The following MAP3K8 variants were observed in gnomAD, a reference collection of about 807,000 sequenced individuals.
MAP3K8 encodes Ewing sarcoma transformant.
Under a neutral mutation model 45.8 loss-of-function variants are expected in MAP3K8, and 22 were observed. The observed-to-expected ratio is 0.48, with a 90% CI of 0.34 to 0.69. The LOEUF (loss-of-function observed/expected upper bound fraction) is 0.69. Among genes scored for constraint, MAP3K8 ranks in the 30% least tolerant of loss-of-function variants. The probability of loss-of-function intolerance (pLI) is 0.01; values close to 1 mark genes in which losing one functional copy is unlikely to be tolerated. For missense variants in MAP3K8, 419 were observed against 585.0 expected (o/e 0.72, Z 2.93); for synonymous variants, 223 against 214.3 (o/e 1.04, Z -0.36).
intron 2 of MAP3K8, 32 bp from the exon 3 acceptor site, chr10:30,438,884 C>A: frequency 8.3e-7 from 1 of 1,204,234 alleles, no homozygotes; most frequent in South Asian, 1.5e-5. Context: ...ATACAAATAT[C>A]GTAAACTAAA....
intron 3 of MAP3K8, among the ~76,000 whole-genome samples, chr10:30,440,949 G>A (rs1420720372): frequency 6.6e-6 from 1 of 152,108 alleles, no homozygotes; most frequent in Non-Finnish European, 1.5e-5. Context: ...TGTACAGAAA[G>A]AAATTCAGGA....
At chr10:30,457,993 C>A in intron 6 of MAP3K8, 91 bp from the exon 7 acceptor site, 2 of 1,149,792 alleles carry the variant, frequency 1.7e-6, no homozygotes, top group Non-Finnish European at 2.4e-6. Context: ...TAGTTTAAGG[C>A]AAATGAGCCA....
In MAP3K8 at chr10:30,448,414, T is replaced by TTTATTATTATTA. The variant is rs1554773753; in HGVS notation, c.504+489_504+500dup. On this transcript the variant is annotated intron_variant, in intron 4 of 8. Transcript: ENST00000263056. ...ATGATTGAAAAGACCCTATCCCAAA[T>TTTATTATTATTA]TTATTATTATTATTATTATTATTAT... Among the ~76,000 whole-genome samples, 862 of 136,416 alleles carry TTTATTATTATTA rather than the reference T, an allele frequency of 6.3e-3. 3 individuals carry two copies. Among genetic ancestry groups the TTTATTATTATTA allele is most frequent in the African/African-American group, 0.023 (804 of 35,372 alleles). The allele number at this position is 136,416 out of a possible 152,430, so 89.5% of individuals were successfully genotyped here.
intron 1 of MAP3K8, among the ~76,000 whole-genome samples, chr10:30,436,660 T>G (rs1431044964): frequency 7.0e-6 from 1 of 143,706 alleles, no homozygotes; most frequent in Non-Finnish European, 1.5e-5. Flanking sequence ...ATTAAAAAAA[T>G]AAAAGAATAA....
At chr10:30,449,512 G>A (rs1836463117) in intron 4 of MAP3K8, among the ~76,000 whole-genome samples, 1 of 151,960 alleles carries the variant, frequency 6.6e-6, no homozygotes, top group African/African-American at 2.4e-5. Context: ...TTGTATGTCT[G>A]TTTTACTTTA....
intron 3 of MAP3K8, 101 bp from the exon 4 acceptor site, chr10:30,447,681 A>C (rs1252327220): frequency 1.2e-6 from 1 of 846,438 alleles, no homozygotes; most frequent in Non-Finnish European, 2.0e-6. Context: ...ATAACTGTGT[A>C]TCAGAATGCT....
chr10:30,458,303 T>G, intron 7 of MAP3K8, 67 bp downstream of exon 7: 1 of 1,145,150 alleles, frequency 8.7e-7, no homozygotes, highest in Non-Finnish European at 1.2e-6. Flanking sequence ...CCCGCAGGCT[T>G]GGGAGGGACT....
chr10:30,446,915 T>G (rs1836360449), intron 3 of MAP3K8, among the ~76,000 whole-genome samples: 1 of 152,172 alleles, frequency 6.6e-6, no homozygotes, highest in Non-Finnish European at 1.5e-5. Context: ...ATTTATATTG[T>G]GTTTTTATTT....
At chr10:30,436,367 G>A (rs1053691747) in intron 1 of MAP3K8, among the ~76,000 whole-genome samples, 13 of 152,152 alleles carry the variant, frequency 8.5e-5, no homozygotes, top group African/African-American at 2.4e-4. Flanking sequence ...TCTGGGGAAC[G>A]TAGATTTGCG....
chr10:30,459,628 T>G, intron 8 of MAP3K8, 127 bp downstream of exon 8: 3 of 1,131,884 alleles, frequency 2.7e-6, no homozygotes, highest in Non-Finnish European at 3.7e-6. Flanking sequence ...CATACCTTGC[T>G]TGAGAAATTT....
At chr10:30,434,421 G>C in intron 1 of MAP3K8, 43 bp downstream of exon 1, 1 of 983,730 alleles carries the variant, frequency 1.0e-6, no homozygotes, top group Non-Finnish European at 1.2e-6. Flanking sequence ...TTCGGGTCGC[G>C]TCCCGCCTGG....
intron 3 of MAP3K8, among the ~76,000 whole-genome samples, chr10:30,443,739 G>A (rs1338165609): frequency 6.6e-6 from 1 of 152,186 alleles, no homozygotes; most frequent in Non-Finnish European, 1.5e-5. Flanking sequence ...TACTTAAAGA[G>A]TTTTCTCAAT....
In MAP3K8 at chr10:30,455,696, C is replaced by T. The variant is rs186390511; in HGVS notation, c.874-2388C>T. Among the ~76,000 whole-genome samples, 15 of 152,262 alleles carry T rather than the reference C, an allele frequency of 9.9e-5. No individual in the cohort carries two copies. In the East Asian group the frequency reaches 1.3e-3, roughly 14 times the overall value. ...TCACATGCACATATACGCACACACA[C>T]GGTCTCTTTCCCTTTCTAATAAACA... On this transcript the variant is annotated intron_variant, in intron 6 of 8. Transcript: ENST00000263056.
chr10:30,447,291 T>C (rs116456031), intron 3 of MAP3K8, among the ~76,000 whole-genome samples: 37 of 152,358 alleles, frequency 2.4e-4, no homozygotes, highest in African/African-American at 7.2e-4. Flanking sequence ...TGTCAACTCA[T>C]AGCTCTGACA....
At chr10:30,435,673 C>G (rs1370469925) in intron 1 of MAP3K8, among the ~76,000 whole-genome samples, 1 of 152,206 alleles carries the variant, frequency 6.6e-6, no homozygotes, top group Non-Finnish European at 1.5e-5. Context: ...TTGCCTCAGC[C>G]TCCCGAGTAG....
rs181404340 is a variant in MAP3K8 at position 30,435,787 on chromosome 10, A to C, written c.-254-1389A>C. Reference sequence around the variant, plus strand: ...TTGAACTCCTGACCTCAGGTGATGCACCCTCCTTGGCCTCCCAAAGTGCTG... The same window carrying C: ...TTGAACTCCTGACCTCAGGTGATGCCCCCTCCTTGGCCTCCCAAAGTGCTG... On this transcript the variant is annotated intron_variant, in intron 1 of 8. Transcript: ENST00000263056. 3.7e-4 allele frequency among the ~76,000 whole-genome samples: 57 copies of C among 152,162 alleles called. No individual in the cohort carries two copies. In the East Asian group the frequency reaches 0.01, roughly 27 times the overall value.
At position 30,461,367 on chromosome 10, in the gene MAP3K8, TA is replaced by T; in HGVS notation, c.*536del. On this transcript the variant is annotated 3_prime_UTR_variant, in exon 9 of 9. Coordinates refer to ENST00000263056, the MANE Select transcript of MAP3K8 (RefSeq NM_005204.4). ...GTAGCAATAAGCTGGACTAGTGTCCTAAAAATGGCTAACTGATGAATTAGAA... is the reference window on the plus strand; with the variant it reads ...GTAGCAATAAGCTGGACTAGTGTCCTAAAATGGCTAACTGATGAATTAGAA... 1 of 207,586 alleles carries T rather than the reference TA, an allele frequency of 4.8e-6. No individual in the cohort carries two copies. 12.9% of individuals were successfully genotyped at this position (207,586 alleles called of 1,614,324 possible). A position where few individuals can be genotyped will look rare whatever the true frequency, so the allele number is the denominator to read the frequency against.
At chr10:30,444,658 AG>A (rs987543170) in intron 3 of MAP3K8, among the ~76,000 whole-genome samples, 2 of 152,192 alleles carry the variant, frequency 1.3e-5, no homozygotes, top group African/African-American at 4.8e-5. Context: ...GTTATAAAAT[AG>A]GGGTGAATGG....
chr10:30,458,406 T>G (rs1836823549), intron 7 of MAP3K8, among the ~76,000 whole-genome samples, 170 bp downstream of exon 7: 1 of 152,256 alleles, frequency 6.6e-6, no homozygotes, highest in South Asian at 2.1e-4. Context: ...AGCTCCATTC[T>G]TGCAAAGAAA....
Sources: gnomAD v4.1 joint callset for allele counts (sites outside exome capture counted in the v4.1 genomes callset) on GRCh38, gnomAD v4.1.1 for gene constraint, MANE v1.5 for transcripts, NCBI Gene and HGNC (gene_info 2026-07-23, HGNC 2026-07-21) for gene names.